PDSS2: variants seen among roughly 807,000 people sequenced by gnomAD.
PDSS2 encodes decaprenyl diphosphate synthase subunit 2, also known as all trans-polyprenyl-diphosphate synthase PDSS2.
A neutral mutation model predicts 44.5 loss-of-function variants in PDSS2; 31 were observed. The observed-to-expected ratio is 0.70, with a 90% CI of 0.52 to 0.94. The LOEUF is 0.94. Among genes scored for constraint, PDSS2 ranks in the 40% least tolerant of loss-of-function variants. The pLI, the probability that PDSS2 is intolerant of heterozygous loss-of-function variation, is 0.00. For synonymous variants in PDSS2, 157 were observed against 180.3 expected, an observed-to-expected ratio of 0.87 and a Z score of 1.03; for missense variants, 452 against 482.2, an observed-to-expected ratio of 0.94 and a Z score of 0.59.
intron 6 of PDSS2, 44 bp downstream of exon 6, chr6:107,210,395 A>G (rs760771771): frequency 7.0e-7 from 1 of 1,428,682 alleles, no homozygotes; most frequent in Non-Finnish European, 9.9e-7. Flanking sequence ...TCTAAAATCC[A>G]CTAATTACTA....
At chr6:107,359,624 TAAAAA>T (rs371733995) in intron 1 of PDSS2, among the ~76,000 whole-genome samples, 1 of 127,022 alleles carries the variant, frequency 7.9e-6, no homozygotes, top group Non-Finnish European at 1.7e-5. Flanking sequence ...AGAATGTGTT[TAAAAA>T]AAAAAAAAAA....
At chr6:107,321,130 T>C (rs1777368521) in intron 2 of PDSS2, among the ~76,000 whole-genome samples, 2 of 152,220 alleles carry the variant, frequency 1.3e-5, no homozygotes, top group African/African-American at 2.4e-5. Context: ...GTGTTAGCTA[T>C]AGTAATAATT....
chr6:107,391,826 T>C (rs377045654), intron 1 of PDSS2, among the ~76,000 whole-genome samples: 1 of 150,758 alleles, frequency 6.6e-6, no homozygotes, highest in Non-Finnish European at 1.5e-5. Context: ...GAATGCTTCA[T>C]AGATTTTGAA....
intron 1 of PDSS2, among the ~76,000 whole-genome samples, chr6:107,373,784 A>G (rs1779197400): frequency 6.6e-6 from 1 of 152,208 alleles, no homozygotes; most frequent in African/African-American, 2.4e-5. Context: ...CAATCAGTCA[A>G]ATCTCCTGCT....
chr6:107,321,702 G>A (rs1320081642), intron 2 of PDSS2, among the ~76,000 whole-genome samples: 1 of 152,146 alleles, frequency 6.6e-6, no homozygotes, highest in African/African-American at 2.4e-5. Flanking sequence ...ATTTATTGAA[G>A]TCTCAGTTCT....
At chr6:107,225,123 C>CTATATATATATTTATATATATATA (rs1773743725) in intron 4 of PDSS2, among the ~76,000 whole-genome samples, 1 of 79,226 alleles carries the variant, frequency 1.3e-5, no homozygotes, top group African/African-American at 7.4e-5. Context: ...GGAAGCTTCA[C>CTATATATATATTTATATATATATA]TATATATATA....
intron 2 of PDSS2, among the ~76,000 whole-genome samples, chr6:107,302,207 G>A (rs970588942): frequency 6.6e-6 from 1 of 151,888 alleles, no homozygotes; most frequent in South Asian, 2.1e-4. Context: ...ACGGTAGTAA[G>A]AGTATTTTGT....
intron 3 of PDSS2, among the ~76,000 whole-genome samples, chr6:107,262,743 G>GCC (rs1411210428): frequency 2.0e-5 from 3 of 151,938 alleles, no homozygotes; most frequent in Admixed American, 6.6e-5. Flanking sequence ...CTGCACTTCA[G>GCC]CCTGGGTGAC....
chr6:107,353,930 T>C (rs1036615429), intron 1 of PDSS2, among the ~76,000 whole-genome samples: 1 of 152,218 alleles, frequency 6.6e-6, no homozygotes, highest in African/African-American at 2.4e-5. Context: ...GTAGTTTCCA[T>C]GGCAACCAAC....
rs118203955 is a variant in PDSS2 at position 107,210,483 on chromosome 6, G to C, written c.964C>G (p.Gln322Glu). 2.5e-6 allele frequency: 4 copies of C among 1,608,920 alleles called. No individual in the cohort carries two copies. Among genetic ancestry groups the C allele is most frequent in the Non-Finnish European group, 3.4e-6 (4 of 1,175,620 alleles). ...NLNSAPVVLH[Q>E]EFLGRDLWIK... ...CACAAATCTCTTCCAAGAAATTCCT[G>C]ATGTAAGACTACAGGAGCTGAGTTT... The change falls in exon 6 of 8, where the codon CAG becomes GAG. Residue 322 changes from glutamine (Q) to glutamate (E), a missense_variant. Coordinates refer to ENST00000369037, the MANE Select transcript of PDSS2 (RefSeq NM_020381.4).
intron 1 of PDSS2, among the ~76,000 whole-genome samples, chr6:107,457,820 G>T (rs979432533): frequency 1.3e-5 from 2 of 152,152 alleles, no homozygotes; most frequent in African/African-American, 4.8e-5. Flanking sequence ...TTAAATGGTA[G>T]ATTAAATAAA....
At chr6:107,306,246 C>A (rs1776855612) in intron 2 of PDSS2, among the ~76,000 whole-genome samples, 1 of 152,112 alleles carries the variant, frequency 6.6e-6, no homozygotes, top group African/African-American at 2.4e-5. Flanking sequence ...GTGGGAGGGA[C>A]CTGGTGGGAA....
At position 107,210,521 on chromosome 6, in the gene PDSS2, A is replaced by G. The variant is rs1490595812; in HGVS notation, c.926T>C (p.Met309Thr). The change falls in exon 6 of 8, where the codon ATG becomes ACG. Residue 309 changes from methionine (M) to threonine (T), a missense_variant. By Grantham distance (81) the Met-to-Thr change is moderately conservative. Transcript: ENST00000369037. ...PFIKEKTSDS[M>T]TFNLNSAPVV... ...AGGAGCTGAGTTTAGATTAAAAGTC[A>G]TGGAGTCACTGGTCTTTTCTTTAAT... The G allele has an allele frequency of 6.2e-7, 1 of 1,603,554 alleles. No individual in the cohort carries two copies. Among genetic ancestry groups the G allele is most frequent in the Non-Finnish European group, 8.5e-7 (1 of 1,170,508 alleles).
chr6:107,210,618 A>G, intron 5 of PDSS2, 48 bp from the exon 6 acceptor site: 2 of 1,227,660 alleles, frequency 1.6e-6, no homozygotes, highest in Non-Finnish European at 2.4e-6. Flanking sequence ...TATATACACT[A>G]GTATGTTTTA....
intron 1 of PDSS2, among the ~76,000 whole-genome samples, chr6:107,351,695 AAT>A (rs1275295680): frequency 6.6e-6 from 1 of 152,324 alleles, no homozygotes; most frequent in African/African-American, 2.4e-5. Flanking sequence ...CTACATAAAA[AAT>A]AGTTAAAATT....
chr6:107,388,509 C>T (rs1583023599), intron 1 of PDSS2, among the ~76,000 whole-genome samples: 1 of 145,864 alleles, frequency 6.9e-6, no homozygotes, highest in African/African-American at 2.6e-5. Context: ...AGTGCAGTGG[C>T]GCGATCTCGG....
intron 6 of PDSS2, among the ~76,000 whole-genome samples, chr6:107,204,496 C>T (rs1772905640): frequency 6.6e-6 from 1 of 152,100 alleles, no homozygotes; most frequent in African/African-American, 2.4e-5. Context: ...TTCATCTGTC[C>T]CTGATACTAC....
chr6:107,257,811 G>C (rs1426551238), intron 3 of PDSS2, among the ~76,000 whole-genome samples: 1 of 152,080 alleles, frequency 6.6e-6, no homozygotes, highest in Non-Finnish European at 1.5e-5. Flanking sequence ...TAGATACAGA[G>C]TTTTGCTATA....
At chr6:107,354,189 T>G (rs1427945545) in intron 1 of PDSS2, among the ~76,000 whole-genome samples, 1 of 152,240 alleles carries the variant, frequency 6.6e-6, no homozygotes, top group African/African-American at 2.4e-5. Context: ...TAGTCTACCT[T>G]GGCAAGACTT....
Sources: allele counts gnomAD v4.1 joint callset (sites outside exome capture counted in the v4.1 genomes callset), GRCh38; gene constraint gnomAD v4.1.1; transcripts MANE v1.5; gene names NCBI Gene and HGNC (gene_info 2026-07-23, HGNC 2026-07-21).